PTPN11: variants seen among roughly 807,000 people sequenced by gnomAD.
The protein encoded by PTPN11 is protein tyrosine phosphatase non-receptor type 11.
PTPN11 carries 6 observed loss-of-function variants against 78.8 expected under a neutral mutation model. That is an observed-to-expected ratio of 0.08 (90% CI 0.04 to 0.15). The LOEUF (loss-of-function observed/expected upper bound fraction) is 0.15. PTPN11 is among the 10% of genes least tolerant of loss of function. The pLI is 1.00. For missense variants in PTPN11, 386 were observed against 744.8 expected, an observed-to-expected ratio of 0.52 and a Z score of 5.61; for synonymous variants, 221 against 263.5, an observed-to-expected ratio of 0.84 and a Z score of 1.56.
chr12:112,491,962 C>T (rs1240629522), intron 13 of PTPN11, among the ~76,000 whole-genome samples: 1 of 152,242 alleles, frequency 6.6e-6, no homozygotes, highest in African/African-American at 2.4e-5. Flanking sequence ...CCGCCTTGGC[C>T]TCCCAAAGTG....
intron 1 of PTPN11, among the ~76,000 whole-genome samples, chr12:112,430,493 A>G (rs750081464): frequency 4.6e-5 from 7 of 152,090 alleles, no homozygotes; most frequent in Non-Finnish European, 8.8e-5. Context: ...TAATGGCACA[A>G]CCATGGCTCA....
At chr12:112,483,837 A>G (rs1453862245) in intron 10 of PTPN11, among the ~76,000 whole-genome samples, 3 of 152,052 alleles carry the variant, frequency 2.0e-5, no homozygotes, top group African/African-American at 7.2e-5. Flanking sequence ...GTGACTGGCA[A>G]TTTTCTAGCT....
intron 10 of PTPN11, among the ~76,000 whole-genome samples, chr12:112,486,010 T>TAATAAA (rs72159175): frequency 0.36 from 53,930 of 149,334 alleles, 13,741 homozygotes; most frequent in East Asian, 0.85. Context: ...AATGATACTA[T>TAATAAA]AGTCTGTGTT....
At chr12:112,465,018 A>C (rs754852553) in intron 6 of PTPN11, among the ~76,000 whole-genome samples, 23 of 152,262 alleles carry the variant, frequency 1.5e-4, no homozygotes, top group Non-Finnish European at 3.1e-4. Flanking sequence ...TGAGAATGAC[A>C]CTAACTAAAT....
At chr12:112,452,206 T>TTCCCAATCTCTAGC (rs1426356962) in intron 3 of PTPN11, among the ~76,000 whole-genome samples, 3 of 151,904 alleles carry the variant, frequency 2.0e-5, no homozygotes, top group Non-Finnish European at 4.4e-5. Flanking sequence ...AACTTCTTTA[T>TTCCCAATCTCTAGC]TTTGACTTTA....
intron 3 of PTPN11, among the ~76,000 whole-genome samples, chr12:112,452,528 CTTTTA>C (rs2038093884): frequency 6.7e-6 from 1 of 149,828 alleles, no homozygotes; most frequent in Non-Finnish European, 1.5e-5. Flanking sequence ...GTCCGGCCGA[CTTTTA>C]TTTTTTTTTC....
At chr12:112,430,161 C>T (rs2037690172) in intron 1 of PTPN11, among the ~76,000 whole-genome samples, 1 of 152,056 alleles carries the variant, frequency 6.6e-6, no homozygotes, top group South Asian at 2.1e-4. Flanking sequence ...GCTGGGATTA[C>T]AGGTGTGTGC....
chr12:112,488,659 A>T (rs1422572489), intron 12 of PTPN11, 149 bp downstream of exon 12: 1 of 857,646 alleles, frequency 1.2e-6, no homozygotes. Context: ...TCTGCCTGAG[A>T]ACAGAAGTGA....
In PTPN11 at chr12:112,507,716, C is replaced by T. The variant is rs1285731109; in HGVS notation, c.*1924C>T. The T allele has an allele frequency of 6.6e-6, 1 of 152,568 alleles. No homozygotes were observed. The highest frequency in any genetic ancestry group is 1.5e-5 in the Non-Finnish European group (1 of 68,044). 9.5% of individuals were successfully genotyped at this position (152,568 alleles called of 1,614,324 possible). A position where few individuals can be genotyped will look rare whatever the true frequency, so the allele number is the denominator to read the frequency against. ...CTGACTTTGGCTTCTGAAAGGAAGG[C>T]CTAGATCCAGCCCTGGTGGTAGTTC... On this transcript the variant is annotated 3_prime_UTR_variant, in exon 16 of 16. Coordinates refer to ENST00000351677, the MANE Select transcript of PTPN11 (RefSeq NM_002834.5).
intron 1 of PTPN11, among the ~76,000 whole-genome samples, chr12:112,434,104 C>T (rs1403051189): frequency 6.6e-6 from 1 of 151,902 alleles, no homozygotes; most frequent in Non-Finnish European, 1.5e-5. Context: ...GATAGCAAGA[C>T]TCCATTTCTA....
chr12:112,445,330 C>T (rs766782613), intron 1 of PTPN11, among the ~76,000 whole-genome samples: 2 of 152,200 alleles, frequency 1.3e-5, no homozygotes, highest in South Asian at 2.1e-4. Flanking sequence ...TGGGGTTTCA[C>T]CACATTGGCC....
chr12:112,493,086 T>C (rs1163365292), intron 13 of PTPN11, among the ~76,000 whole-genome samples: 3 of 150,192 alleles, frequency 2.0e-5, no homozygotes, highest in Non-Finnish European at 4.4e-5. Flanking sequence ...TGAGACAGAG[T>C]CTTGGTTTGT....
chr12:112,460,342 G>GCCT (rs1293296295), intron 6 of PTPN11, among the ~76,000 whole-genome samples: 1 of 152,050 alleles, frequency 6.6e-6, no homozygotes, highest in Non-Finnish European at 1.5e-5. Context: ...ATCCTGATAT[G>GCCT]CCATTATCAG....
Position 112,482,271 on chromosome 12 carries a change from T to A in PTPN11, c.1224+66T>A, listed in dbSNP as rs2038608363. On this transcript the variant is annotated intron_variant, in intron 10 of 15. Transcript: ENST00000351677. This position sits in a 1 kb window ranked among gnomAD's most constrained non-coding sequence, Gnocchi z 4.4. ...GATGGTGTGTAGGAATTCAGGGTCT[T>A]GCCGTTACTCATGTTTGCATACATG... 6.4e-7 allele frequency: 1 copy of A among 1,555,902 alleles called. No homozygotes were observed. The highest frequency in any genetic ancestry group is 8.8e-7 in the Non-Finnish European group (1 of 1,130,176).
At chr12:112,440,741 T>G (rs963286634) in intron 1 of PTPN11, among the ~76,000 whole-genome samples, 7 of 148,930 alleles carry the variant, frequency 4.7e-5, no homozygotes, top group Admixed American at 6.7e-5. Flanking sequence ...GCCTGGCTAA[T>G]TTTTGTATTT....
chr12:112,467,867 C>T (rs1411719264), intron 6 of PTPN11, among the ~76,000 whole-genome samples: 1 of 152,220 alleles, frequency 6.6e-6, no homozygotes. Flanking sequence ...GGCACCAAAA[C>T]ATTCATGAAG....
chr12:112,478,347 C>T (rs374510407), intron 9 of PTPN11, among the ~76,000 whole-genome samples: 25 of 151,244 alleles, frequency 1.7e-4, no homozygotes, highest in East Asian at 7.8e-4. Context: ...TTGAGGTGGG[C>T]GGATCACTTG....
At chr12:112,483,692 G>C (rs1267529432) in intron 10 of PTPN11, among the ~76,000 whole-genome samples, 1 of 152,136 alleles carries the variant, frequency 6.6e-6, no homozygotes, top group East Asian at 1.9e-4. Flanking sequence ...GCAGCCGTCA[G>C]AGTAAAAAAT....
At chr12:112,452,823 A>G (rs755509395) in intron 3 of PTPN11, among the ~76,000 whole-genome samples, 1 of 152,210 alleles carries the variant, frequency 6.6e-6, no homozygotes, top group Non-Finnish European at 1.5e-5. Flanking sequence ...GCCACTATGC[A>G]TGGCCTGTAA....
Sources: gnomAD v4.1 joint callset for allele counts (sites outside exome capture counted in the v4.1 genomes callset) on GRCh38, gnomAD v4.1.1 for gene constraint, Gnocchi (gnomAD v3.1) non-coding constraint, MANE v1.5 for transcripts, NCBI Gene and HGNC (gene_info 2026-07-23, HGNC 2026-07-21) for gene names.